The following FAF1 variants were observed in gnomAD, a reference collection of about 807,000 sequenced individuals.
The protein encoded by FAF1 is FAS-associated factor 1.
FAF1 carries 25 observed loss-of-function variants against 92.5 expected under a neutral mutation model. That is an observed-to-expected ratio of 0.27 (90% confidence interval 0.20 to 0.38). FAF1 has a LOEUF of 0.38. FAF1 is among the 10% of genes least tolerant of loss of function. The probability of loss-of-function intolerance (pLI) is 1.00; values close to 1 mark genes in which losing one functional copy is unlikely to be tolerated. For synonymous variants in FAF1, 234 were observed against 273.2 expected (o/e 0.86, Z 1.42); for missense variants, 636 against 793.3 (o/e 0.80, Z 2.38).
At position 50,473,713 on chromosome 1, in the gene FAF1, G is replaced by T. The variant is rs946121817; in HGVS notation, c.1869+1751C>A. ...GGATGACCTTGGAGCAGTAGGCAGG[G>T]CCAGTGAGAAAAGGAACAATAGTCA... On this transcript the variant is annotated intron_variant, in intron 18 of 18. Transcript: ENST00000396153. Among the ~76,000 whole-genome samples, 3 of 152,152 alleles carry T rather than the reference G, an allele frequency of 2.0e-5. No individual in the cohort carries two copies. The South Asian group carries it at 6.2e-4, about 32-fold the overall frequency.
rs146846920 is a variant in FAF1, at chr1:50,819,968, A to G, written c.115-18291T>C. On this transcript the variant is annotated intron_variant, in intron 2 of 18. Coordinates refer to ENST00000396153, the MANE Select transcript of FAF1 (RefSeq NM_007051.3). ...ATTTCATGGAATGCTAGAAAAATGC[A>G]ATCTCAGATGCATGTGTTGCCCCAT... 2.3e-3 allele frequency among the ~76,000 whole-genome samples: 343 copies of G among 151,242 alleles called. 11 individuals are homozygous for G. The highest frequency in any genetic ancestry group is 0.016 in the East Asian group (83 of 5,160).
chr1:50,959,027 C>G (rs945115091), intron 1 of FAF1, among the ~76,000 whole-genome samples: 1 of 152,224 alleles, frequency 6.6e-6, no homozygotes, highest in Non-Finnish European at 1.5e-5. Flanking sequence ...GTCAGTGGCA[C>G]TACGACTGGG....
At chr1:50,910,452 G>A (rs1644875487) in intron 1 of FAF1, among the ~76,000 whole-genome samples, 1 of 152,174 alleles carries the variant, frequency 6.6e-6, no homozygotes, top group South Asian at 2.1e-4. Context: ...AGTTTCTGAT[G>A]CCTTTTGTTC....
chr1:50,880,973 T>C (rs185222908), intron 1 of FAF1, among the ~76,000 whole-genome samples: 138 of 152,232 alleles, frequency 9.1e-4, no homozygotes, highest in African/African-American at 3.2e-3. Context: ...TATAAAAGAA[T>C]TACCTGGATA....
intron 4 of FAF1, among the ~76,000 whole-genome samples, chr1:50,785,132 C>CAAAAAAAAA (rs748061344): frequency 3.4e-5 from 2 of 59,126 alleles, no homozygotes; most frequent in Admixed American, 4.0e-4. Flanking sequence ...GACCCTATCT[C>CAAAAAAAAA]AAAAAAAAAA....
chr1:50,667,491 G>C (rs1655689554), intron 7 of FAF1, among the ~76,000 whole-genome samples: 1 of 152,162 alleles, frequency 6.6e-6, no homozygotes, highest in Admixed American at 6.6e-5. Context: ...ATCAGAAACA[G>C]CTGTGTCTTA....
Position 50,719,792 on chromosome 1 carries a change from G to A in FAF1, c.552-13901C>T, listed in dbSNP as rs541349596. 3.6e-4 allele frequency among the ~76,000 whole-genome samples: 55 copies of A among 152,210 alleles called. 1 individual carries two copies. In the South Asian group the frequency reaches 9.7e-3, roughly 27 times the overall value. On this transcript the variant is annotated intron_variant, in intron 6 of 18. Coordinates refer to ENST00000396153, the MANE Select transcript of FAF1 (RefSeq NM_007051.3). Reference sequence around the variant, plus strand: ...ATTAAATCAACCGTAGAGAATACCCGCAGTTCTTTTTCAAAATGTGATGCT... The same window carrying A: ...ATTAAATCAACCGTAGAGAATACCCACAGTTCTTTTTCAAAATGTGATGCT...
chr1:50,876,015 ACTGT>A (rs1249654451), intron 1 of FAF1, among the ~76,000 whole-genome samples: 3 of 152,230 alleles, frequency 2.0e-5, no homozygotes, highest in Non-Finnish European at 2.9e-5. Flanking sequence ...GAAGCAGCTC[ACTGT>A]CTAAGAGGAC....
chr1:50,717,258 T>C (rs1282932991), intron 6 of FAF1, among the ~76,000 whole-genome samples: 1 of 152,142 alleles, frequency 6.6e-6, no homozygotes, highest in East Asian at 1.9e-4. Flanking sequence ...TGATGATTAT[T>C]TGGATATGGG....
At chr1:50,630,828 CTT>C (rs1052085908) in intron 8 of FAF1, among the ~76,000 whole-genome samples, 3 of 102,530 alleles carry the variant, frequency 2.9e-5, no homozygotes, top group East Asian at 2.4e-4. Context: ...TGTATCATAT[CTT>C]TTTTTTTTTT....
chr1:50,894,171 T>G (rs1267957332), intron 1 of FAF1, among the ~76,000 whole-genome samples: 1 of 151,818 alleles, frequency 6.6e-6, no homozygotes, highest in Non-Finnish European at 1.5e-5. Context: ...TGGTGGCACA[T>G]GCCTGTAATC....
chr1:50,550,826 C>T (rs10888695), intron 13 of FAF1, among the ~76,000 whole-genome samples: 31,318 of 152,116 alleles, frequency 0.21, 3,983 homozygotes, highest in African/African-American at 0.36. Flanking sequence ...TGCAACAAAA[C>T]TCTCCCTTGA....
At chr1:50,571,222 C>T (rs1302374046) in intron 12 of FAF1, among the ~76,000 whole-genome samples, 1 of 152,138 alleles carries the variant, frequency 6.6e-6, no homozygotes, top group Non-Finnish European at 1.5e-5. Flanking sequence ...TCTAATTTGG[C>T]AGAGAGGGTC....
chr1:50,516,382 T>C (rs374339822), intron 15 of FAF1, among the ~76,000 whole-genome samples: 41 of 152,290 alleles, frequency 2.7e-4, no homozygotes, highest in African/African-American at 8.2e-4. Context: ...CTTCAGGTAC[T>C]GAGTTTTCAT....
intron 9 of FAF1, among the ~76,000 whole-genome samples, chr1:50,590,454 G>A (rs184415514): frequency 6.6e-6 from 1 of 152,262 alleles, no homozygotes; most frequent in East Asian, 1.9e-4. Flanking sequence ...TTGACTGTTG[G>A]TTTATAGAAA....
At chr1:50,657,704 A>C (rs955884569) in intron 7 of FAF1, among the ~76,000 whole-genome samples, 1 of 152,236 alleles carries the variant, frequency 6.6e-6, no homozygotes, top group Non-Finnish European at 1.5e-5. Flanking sequence ...TCTTATACAT[A>C]ATCACATCTA....
chr1:50,662,400 T>C (rs1281962790), intron 7 of FAF1, among the ~76,000 whole-genome samples: 1 of 152,210 alleles, frequency 6.6e-6, no homozygotes, highest in African/African-American at 2.4e-5. Context: ...TACTTGGCTA[T>C]AAAGAAATTT....
At chr1:50,633,995 A>T (rs1035252555) in intron 8 of FAF1, among the ~76,000 whole-genome samples, 1 of 152,234 alleles carries the variant, frequency 6.6e-6, no homozygotes, top group African/African-American at 2.4e-5. Context: ...GGCTCTGGGA[A>T]CAATCAGTAC....
chr1:50,674,230 C>T (rs1053667608), intron 7 of FAF1, among the ~76,000 whole-genome samples: 2 of 151,998 alleles, frequency 1.3e-5, no homozygotes, highest in Non-Finnish European at 2.9e-5. Context: ...GGATTACAGG[C>T]GTGAGCCATT....
Sources: allele counts gnomAD v4.1 joint callset (sites outside exome capture counted in the v4.1 genomes callset), GRCh38; gene constraint gnomAD v4.1.1; transcripts MANE v1.5; gene names NCBI Gene and HGNC (gene_info 2026-07-23, HGNC 2026-07-21).